The following VEGFD variants were observed in gnomAD, a reference collection of about 807,000 sequenced individuals.
VEGFD encodes c-fos induced growth factor (vascular endothelial growth factor D).
A neutral mutation model predicts 28.0 loss-of-function variants in VEGFD; 26 were observed. The ratio of observed to expected loss-of-function variants is 0.93; its 90% CI spans 0.68 to 1.29. The LOEUF (loss-of-function observed/expected upper bound fraction) is 1.29. Ranked by LOEUF, VEGFD falls within the 50% of genes most tolerant of loss-of-function variation. The pLI, the probability that VEGFD is intolerant of heterozygous loss-of-function variation, is 0.00. For synonymous variants in VEGFD, 93 were observed against 95.5 expected (o/e 0.97, Z 0.15); for missense variants, 294 against 273.4 (o/e 1.08, Z -0.53).
chrX:15,362,665 G>A (rs1030821606), intron 2 of VEGFD, among the ~76,000 whole-genome samples: 18 of 110,754 alleles, frequency 1.6e-4, no homozygotes, highest in East Asian at 5.7e-4. Context: ...GCGATCTGCC[G>A]TTCTTGGCCT....
intron 1 of VEGFD, among the ~76,000 whole-genome samples, chrX:15,380,367 CCATGTGGCTTCTCATGAAAG>C (rs1003991756): frequency 3.6e-5 from 4 of 112,655 alleles, no homozygotes; most frequent in African/African-American, 1.3e-4. Context: ...GTCTTGTGAG[CCATGTGGCTTCTCATGAAAG>C]AAGTATCCCA....
At position 15,346,200 on chromosome X, in the gene VEGFD, G is replaced by C. The variant is rs1332173429; in HGVS notation, c.998C>G (p.Ala333Gly). The change falls in exon 7 of 7, where the codon GCA (alanine) becomes GGA (glycine). Residue 333 changes from alanine to glycine, a missense_variant. Ala to Gly is a moderately conservative substitution (Grantham distance 60). Transcript: ENST00000297904. Reference sequence around the variant, plus strand: ...CTCCTTTGGAAAGCGGCAATGCTTTGCACATGCTGTTTTGCCACTTGCACA... The same window carrying C: ...CTCCTTTGGAAAGCGGCAATGCTTTCCACATGCTGTTTTGCCACTTGCACA... ...RPCASGKTACAKHCRFPKEKR... is the reference protein window; with the variant it reads ...RPCASGKTACGKHCRFPKEKR... 1.7e-6 allele frequency: 2 copies of C among 1,208,757 alleles called. No individual in the cohort carries two copies. The highest frequency in any genetic ancestry group is 3.5e-5 in the African/African-American group (2 of 57,319).
chrX:15,358,239 C>T (rs776814488), intron 2 of VEGFD, 46 bp from the exon 3 acceptor site: 14 of 1,074,313 alleles, frequency 1.3e-5, no homozygotes, highest in African/African-American at 1.8e-5. Context: ...GTGGAATGGT[C>T]CTGGTGTGCC....
intron 1 of VEGFD, among the ~76,000 whole-genome samples, chrX:15,369,363 C>A (rs1923252990): frequency 9.2e-6 from 1 of 109,283 alleles, no homozygotes; most frequent in Admixed American, 9.8e-5. Flanking sequence ...AAAAAAAAAA[C>A]AGCAAGGGGT....
chrX:15,361,396 C>A (rs754727589), intron 2 of VEGFD, among the ~76,000 whole-genome samples: 1 of 111,344 alleles, frequency 9.0e-6, no homozygotes, highest in Non-Finnish European at 1.9e-5. Flanking sequence ...GAAGTGAGCT[C>A]GAGGCTATGG....
intron 1 of VEGFD, among the ~76,000 whole-genome samples, chrX:15,377,124 CCTGA>C (rs1348032631): frequency 2.7e-5 from 3 of 112,313 alleles, no homozygotes; most frequent in Non-Finnish European, 5.6e-5. Context: ...AGTTGAACTC[CCTGA>C]CTGTTAGTAA....
chrX:15,360,095 G>T (rs1298608755), intron 2 of VEGFD, among the ~76,000 whole-genome samples: 1 of 111,732 alleles, frequency 8.9e-6, no homozygotes, highest in African/African-American at 3.3e-5. Context: ...ACGTCTGCTT[G>T]AAGTATACTG....
At chrX:15,371,936 G>A (rs1028400900) in intron 1 of VEGFD, among the ~76,000 whole-genome samples, 3 of 112,105 alleles carry the variant, frequency 2.7e-5, no homozygotes, top group African/African-American at 6.5e-5. Flanking sequence ...ATGAGAGCAC[G>A]TAGTATGTAT....
intron 1 of VEGFD, among the ~76,000 whole-genome samples, chrX:15,367,986 A>AAAAGAAAGAAAGAAAGAAAG (rs199761765): frequency 0.068 from 4,499 of 66,497 alleles, 279 homozygotes; most frequent in African/African-American, 0.12. Context: ...AAGAAAAAGA[A>AAAAGAAAGAAAGAAAGAAAG]AAAGAAAGAA....
Position 15,384,123 on chromosome X carries a change from C to CT in VEGFD, c.-178dup, listed in dbSNP as rs941187588. The stretch of plus-strand genomic sequence containing the variant: ...AATTATTTCAATTAGGCAAGGTACG[C>CT]TTTTTTTGCACAATCTTAGGGGTGG... On this transcript the variant is annotated 5_prime_UTR_variant, in exon 1 of 7. Transcript: ENST00000297904. 3 of 393,574 alleles carry CT rather than the reference C, an allele frequency of 7.6e-6. No homozygotes were observed. In the African/African-American group the frequency reaches 7.7e-5, roughly 10 times the overall value. The allele number at this position is 393,574 out of a possible 1,213,427, so 32.4% of individuals were successfully genotyped here. A position where few individuals can be genotyped will look rare whatever the true frequency, so the allele number is the denominator to read the frequency against.
intron 5 of VEGFD, chrX:15,347,578 T>C (rs776656609): frequency 3.6e-5 from 11 of 301,914 alleles, no homozygotes; most frequent in African/African-American, 5.5e-5. Context: ...TTGTGATTTT[T>C]AAAATATCAT....
At chrX:15,375,092 G>A (rs144764439) in intron 1 of VEGFD, among the ~76,000 whole-genome samples, 118 of 111,071 alleles carry the variant, frequency 1.1e-3, no homozygotes, top group African/African-American at 3.1e-3. Context: ...CTTAGAAGCC[G>A]GACAGGTGAG....
chrX:15,369,422 A>G (rs977101313), intron 1 of VEGFD, among the ~76,000 whole-genome samples: 1 of 111,052 alleles, frequency 9.0e-6, no homozygotes, highest in South Asian at 3.8e-4. Context: ...AATCTGGCAA[A>G]TAAGTTAGGA....
intron 5 of VEGFD, among the ~76,000 whole-genome samples, chrX:15,350,913 G>C (rs751982445): frequency 9.8e-5 from 10 of 102,035 alleles, no homozygotes; most frequent in Admixed American, 7.7e-4. Flanking sequence ...CCAGGCCCGA[G>C]TGCGGTGGCA....
chrX:15,353,657 T>C (rs1230182081), intron 4 of VEGFD, among the ~76,000 whole-genome samples: 6 of 110,798 alleles, frequency 5.4e-5, no homozygotes, highest in African/African-American at 1.6e-4. Context: ...GGAGAATCAC[T>C]TGAACCTGGG....
chrX:15,383,145 G>C (rs933357894), intron 1 of VEGFD, among the ~76,000 whole-genome samples: 1 of 111,503 alleles, frequency 9.0e-6, no homozygotes, highest in African/African-American at 3.3e-5. Context: ...AATTACATCC[G>C]AATCATTTTC....
intron 5 of VEGFD, among the ~76,000 whole-genome samples, chrX:15,349,113 T>C (rs1224866601): frequency 1.8e-5 from 2 of 112,615 alleles, no homozygotes; most frequent in African/African-American, 3.2e-5. Flanking sequence ...AGAGGGAAAA[T>C]GTGAGCTCTG....
chrX:15,369,389 A>G (rs1312362452), intron 1 of VEGFD, among the ~76,000 whole-genome samples: 4 of 110,981 alleles, frequency 3.6e-5, no homozygotes, highest in Non-Finnish European at 7.6e-5. Context: ...TTGGTTGGGC[A>G]TAGAGCAAGT....
At chrX:15,363,598 T>C (rs1923073762) in intron 1 of VEGFD, among the ~76,000 whole-genome samples, 2 of 112,432 alleles carry the variant, frequency 1.8e-5, no homozygotes, top group Non-Finnish European at 3.8e-5. Flanking sequence ...CAAAATGATA[T>C]GTCCACATCC....
Sources: allele counts gnomAD v4.1 joint callset (sites outside exome capture counted in the v4.1 genomes callset), GRCh38; gene constraint gnomAD v4.1.1; transcripts MANE v1.5; gene names NCBI Gene and HGNC (gene_info 2026-07-23, HGNC 2026-07-21).